FBXW7: variants seen among roughly 807,000 people sequenced by gnomAD.
The protein encoded by FBXW7 is F-box and WD repeat domain containing 7, also known as F-box/WD repeat-containing protein 7.
Under a neutral mutation model 86.3 loss-of-function variants are expected in FBXW7, and 11 were observed. That is an observed-to-expected ratio of 0.13 (90% CI 0.08 to 0.21). The LOEUF (loss-of-function observed/expected upper bound fraction) is 0.21. FBXW7 is among the 10% of genes least tolerant of loss of function. FBXW7 has a pLI of 1.00. For synonymous variants in FBXW7, 313 were observed against 297.9 expected (o/e 1.05, Z -0.52); for missense variants, 488 against 847.4 (o/e 0.58, Z 5.27).
At chr4:152,448,841 A>T (rs1390046813) in intron 2 of FBXW7, among the ~76,000 whole-genome samples, 1 of 152,328 alleles carries the variant, frequency 6.6e-6, no homozygotes, top group Non-Finnish European at 1.5e-5. Flanking sequence ...TTAATATTTT[A>T]AATTGTTTTA....
intron 4 of FBXW7, among the ~76,000 whole-genome samples, chr4:152,395,641 A>G (rs1362999752): frequency 6.6e-6 from 1 of 152,096 alleles, no homozygotes; most frequent in African/African-American, 2.4e-5. Flanking sequence ...TAAAGCACTT[A>G]AAGTGCTATG....
intron 2 of FBXW7, among the ~76,000 whole-genome samples, chr4:152,443,639 G>GA (rs1178417983): frequency 6.6e-6 from 1 of 151,722 alleles, no homozygotes; most frequent in Non-Finnish European, 1.5e-5. Context: ...CTCTTCTTTT[G>GA]AAAGACACTT....
intron 2 of FBXW7, among the ~76,000 whole-genome samples, chr4:152,433,629 T>C (rs1740104400): frequency 6.6e-6 from 1 of 152,226 alleles, no homozygotes; most frequent in Non-Finnish European, 1.5e-5. Context: ...TTAGCTTCCA[T>C]ATGCAAACAC....
At chr4:152,417,604 AG>A (rs2126902393) in intron 2 of FBXW7, among the ~76,000 whole-genome samples, 1 of 152,204 alleles carries the variant, frequency 6.6e-6, no homozygotes, top group Admixed American at 6.5e-5. Context: ...ATAGTAAAGA[AG>A]CCCCCGTAGG....
chr4:152,354,063 TATC>T (rs1471559772), intron 4 of FBXW7, among the ~76,000 whole-genome samples: 2 of 152,174 alleles, frequency 1.3e-5, no homozygotes, highest in Non-Finnish European at 2.9e-5. Context: ...CATAAAGTAG[TATC>T]ATAATTTTAA....
chr4:152,535,063 A>C (rs1750390290), intron 1 of FBXW7, 30 bp from the exon 2 acceptor site: 1 of 152,562 alleles, frequency 6.6e-6, no homozygotes, highest in South Asian at 2.1e-4. Flanking sequence ...CGTGTCGCTA[A>C]ACCAGGCGGC....
At chr4:152,494,290 C>T (rs1041884562) in intron 2 of FBXW7, among the ~76,000 whole-genome samples, 9 of 152,146 alleles carry the variant, frequency 5.9e-5, no homozygotes, top group Admixed American at 3.3e-4. Flanking sequence ...CCAAGTACTC[C>T]GGTTTTCACT....
At chr4:152,392,735 G>A (rs1736101676) in intron 4 of FBXW7, among the ~76,000 whole-genome samples, 1 of 152,096 alleles carries the variant, frequency 6.6e-6, no homozygotes. Flanking sequence ...CATCCTAGTG[G>A]AGTGTTAATT....
intron 6 of FBXW7, 136 bp from the exon 7 acceptor site, chr4:152,338,072 C>T: frequency 1.6e-6 from 1 of 622,940 alleles, no homozygotes; most frequent in East Asian, 3.3e-5. Flanking sequence ...CTTATAGTGA[C>T]ATTTTTTCCA....
At chr4:152,481,332 G>A (rs138355810) in intron 2 of FBXW7, among the ~76,000 whole-genome samples, 98 of 152,256 alleles carry the variant, frequency 6.4e-4, no homozygotes, top group Non-Finnish European at 1.0e-3. Context: ...AAAAGATTCC[G>A]TTCAAAATAC....
intron 4 of FBXW7, among the ~76,000 whole-genome samples, chr4:152,393,309 T>C (rs1736147324): frequency 6.6e-6 from 1 of 152,166 alleles, no homozygotes; most frequent in Admixed American, 6.6e-5. Context: ...CAAGGCACCA[T>C]TTTGTAATCT....
chr4:152,405,331 T>A (rs529502806), intron 4 of FBXW7, among the ~76,000 whole-genome samples: 1 of 152,242 alleles, frequency 6.6e-6, no homozygotes, highest in South Asian at 2.1e-4. Flanking sequence ...GGAATTCGAT[T>A]TTCTAAATCT....
At chr4:152,507,888 T>C (rs1215147484) in intron 2 of FBXW7, among the ~76,000 whole-genome samples, 1 of 150,766 alleles carries the variant, frequency 6.6e-6, no homozygotes, top group African/African-American at 2.4e-5. Flanking sequence ...TCTGTCTCTA[T>C]TGGAGAAAAA....
chr4:152,436,589 C>T (rs1033233260), intron 2 of FBXW7, among the ~76,000 whole-genome samples: 3 of 152,228 alleles, frequency 2.0e-5, no homozygotes, highest in African/African-American at 7.2e-5. Flanking sequence ...CTGGAAGATG[C>T]CATCCATGAC....
At chr4:152,442,297 G>T (rs991072173) in intron 2 of FBXW7, among the ~76,000 whole-genome samples, 3 of 152,094 alleles carry the variant, frequency 2.0e-5, no homozygotes, top group Non-Finnish European at 4.4e-5. Flanking sequence ...CTGGAGGCAG[G>T]GGTTCTTGTA....
intron 2 of FBXW7, among the ~76,000 whole-genome samples, chr4:152,525,769 G>A (rs1412084061): frequency 6.6e-6 from 1 of 152,152 alleles, no homozygotes; most frequent in African/African-American, 2.4e-5. Context: ...ACACGCGTGT[G>A]CATGTGTCTT....
chr4:152,348,298 T>C (rs959795625), intron 5 of FBXW7, among the ~76,000 whole-genome samples: 5 of 152,118 alleles, frequency 3.3e-5, no homozygotes, highest in Non-Finnish European at 5.9e-5. Context: ...TCTTTTCTTC[T>C]TTCAAATTCA....
intron 2 of FBXW7, among the ~76,000 whole-genome samples, chr4:152,427,287 G>C (rs1035007728): frequency 6.6e-6 from 1 of 152,164 alleles, no homozygotes; most frequent in Admixed American, 6.5e-5. Flanking sequence ...GATGACTAAA[G>C]GTATTTAAGC....
At position 152,321,643 on chromosome 4, in the gene FBXW7, C is replaced by A. The variant is rs1252731962; in HGVS notation, c.*1238G>T. On this transcript the variant is annotated 3_prime_UTR_variant, in exon 14 of 14. Coordinates refer to ENST00000281708, the MANE Select transcript of FBXW7 (RefSeq NM_001349798.2). The stretch of plus-strand genomic sequence containing the variant: ...GTTACTCAGAGCAATAAAACTGTAA[C>A]AGTTGTTTTCCCAAATACTGTAAAA... 5.1e-5 allele frequency: 12 copies of A among 233,106 alleles called. No individual in the cohort carries two copies. The allele number at this position is 233,106 out of a possible 1,614,324, so 14.4% of individuals were successfully genotyped here.
Sources: gnomAD v4.1 joint callset for allele counts (sites outside exome capture counted in the v4.1 genomes callset) on GRCh38, gnomAD v4.1.1 for gene constraint, MANE v1.5 for transcripts, NCBI Gene and HGNC (gene_info 2026-07-23, HGNC 2026-07-21) for gene names.